XKR9: variants seen among roughly 807,000 people sequenced by gnomAD.
XKR9 encodes XK-related protein 9.
A neutral mutation model predicts 32.0 loss-of-function variants in XKR9; 32 were observed. The ratio of observed to expected loss-of-function variants is 1.00; its 90% CI spans 0.76 to 1.34. XKR9 has a LOEUF of 1.34. Ranked by LOEUF, XKR9 falls within the 40% of genes most tolerant of loss-of-function variation. XKR9 has a pLI of 0.00. For missense variants in XKR9, 546 were observed against 429.7 expected, an observed-to-expected ratio of 1.27 and a Z score of -2.39; for synonymous variants, 168 against 143.4, an observed-to-expected ratio of 1.17 and a Z score of -1.22.
Position 70,734,051 on chromosome 8 carries a change from A to G in XKR9, c.749A>G (p.Asn250Ser). The G allele has an allele frequency of 1.2e-6, 2 of 1,613,428 alleles. No homozygotes were observed. The highest frequency in any genetic ancestry group is 1.7e-6 in the Non-Finnish European group (2 of 1,179,666). Residue 250 changes from asparagine to serine, a missense_variant, in exon 5 of 5, where the codon AAC becomes AGC. By Grantham distance (46) the Asn-to-Ser change is conservative. Transcript: ENST00000408926. ...LLGIIWAFKN[N>S]TQFCTCISME... Reference sequence around the variant, plus strand: ...GGTATAATATGGGCATTTAAAAACAACACCCAGTTTTGTACTTGTATAAGT... The same window carrying G: ...GGTATAATATGGGCATTTAAAAACAGCACCCAGTTTTGTACTTGTATAAGT...
At chr8:71,024,866 G>T in the XKR9 span, among the ~76,000 whole-genome samples, 4 of 152,226 alleles carry the variant, frequency 2.6e-5, no homozygotes, top group South Asian at 8.3e-4. Flanking sequence ...TCTCTTGGTT[G>T]TTCTATTTGA....
At chr8:70,882,113 G>C in the XKR9 span, among the ~76,000 whole-genome samples, 1 of 151,974 alleles carries the variant, frequency 6.6e-6, no homozygotes, top group African/African-American at 2.4e-5. Flanking sequence ...GGGCCTGTTG[G>C]TGGTGGGGGG....
the XKR9 span, among the ~76,000 whole-genome samples, chr8:70,914,429 G>T: frequency 6.6e-6 from 1 of 152,134 alleles, no homozygotes; most frequent in Non-Finnish European, 1.5e-5. Flanking sequence ...TTTAGTTTTA[G>T]ATCTGGAAGG....
chr8:70,830,025 CTATT>C, the XKR9 span, among the ~76,000 whole-genome samples: 1 of 152,088 alleles, frequency 6.6e-6, no homozygotes, highest in Non-Finnish European at 1.5e-5. Context: ...TATGAAGCCT[CTATT>C]TATTAAGAAT....
the XKR9 span, among the ~76,000 whole-genome samples, chr8:71,055,448 G>A: frequency 6.6e-6 from 1 of 151,572 alleles, no homozygotes; most frequent in African/African-American, 2.4e-5. Context: ...CCTTGTATGT[G>A]GTTTTGGAAG....
chr8:70,798,640 G>T, the XKR9 span, among the ~76,000 whole-genome samples: 3 of 152,136 alleles, frequency 2.0e-5, no homozygotes, highest in Non-Finnish European at 4.4e-5. Context: ...CCTATGTCTG[G>T]AATGGTATTT....
the XKR9 span, among the ~76,000 whole-genome samples, chr8:70,961,937 G>T: frequency 6.6e-6 from 1 of 152,102 alleles, no homozygotes; most frequent in Non-Finnish European, 1.5e-5. Context: ...AAACAAATTG[G>T]ATTCTGCTTT....
At chr8:70,821,392 G>A in the XKR9 span, among the ~76,000 whole-genome samples, 305 of 152,328 alleles carry the variant, frequency 2.0e-3, no homozygotes, top group Non-Finnish European at 3.7e-3. Context: ...TAGGTGCACA[G>A]TGCAAGCTGT....
At chr8:70,997,329 C>A in the XKR9 span, among the ~76,000 whole-genome samples, 1 of 151,840 alleles carries the variant, frequency 6.6e-6, no homozygotes, top group African/African-American at 2.4e-5. Context: ...ACCAAAACCC[C>A]CCCGCACAAG....
At chr8:70,812,446 A>T in the XKR9 span, among the ~76,000 whole-genome samples, 4 of 152,320 alleles carry the variant, frequency 2.6e-5, no homozygotes, top group South Asian at 6.2e-4. Flanking sequence ...GGCCAGGGCA[A>T]TTAGGCAGGA....
At chr8:70,696,162 G>C (rs2132145504) in intron 3 of XKR9, among the ~76,000 whole-genome samples, 1 of 151,516 alleles carries the variant, frequency 6.6e-6, no homozygotes, top group Middle Eastern at 3.4e-3. Context: ...AGTTTCTTTT[G>C]CTGTGCAGAA....
At chr8:70,712,281 T>C (rs887548400) in intron 4 of XKR9, among the ~76,000 whole-genome samples, 4 of 152,108 alleles carry the variant, frequency 2.6e-5, no homozygotes, top group African/African-American at 9.7e-5. Context: ...TCTAAAAATA[T>C]TGGATAAAAT....
the XKR9 span, among the ~76,000 whole-genome samples, chr8:70,979,167 G>A: frequency 4.3e-4 from 65 of 152,246 alleles, no homozygotes; most frequent in East Asian, 0.012. Context: ...TAGCTTCCTT[G>A]TGATGGGTTC....
intron 2 of XKR9, among the ~76,000 whole-genome samples, chr8:70,757,263 G>A (rs60481777): frequency 0.073 from 11,025 of 151,748 alleles, 470 homozygotes; most frequent in Non-Finnish European, 0.089. Flanking sequence ...GCATTTAATG[G>A]TGTCCCATAT....
chr8:70,696,562 A>T (rs1177852276), intron 3 of XKR9, among the ~76,000 whole-genome samples: 1 of 149,374 alleles, frequency 6.7e-6, no homozygotes, highest in African/African-American at 2.5e-5. Flanking sequence ...TGGTACCAGT[A>T]CCATGCTGTT....
At chr8:70,719,916 C>A (rs942234436) in intron 4 of XKR9, among the ~76,000 whole-genome samples, 1 of 152,142 alleles carries the variant, frequency 6.6e-6, no homozygotes, top group Admixed American at 6.6e-5. Context: ...GATACTGAAT[C>A]TTCCTATCCA....
rs556649954 is a variant in XKR9, at chr8:70,735,364, A to T, written c.*940A>T. 2 of 152,008 alleles carry T rather than the reference A, an allele frequency of 1.3e-5. No individual in the cohort carries two copies. The highest frequency in any genetic ancestry group is 3.9e-4 in the East Asian group (2 of 5,188). 9.4% of individuals were successfully genotyped at this position (152,008 alleles called of 1,614,324 possible). On this transcript the variant is annotated 3_prime_UTR_variant, in exon 5 of 5. Coordinates refer to ENST00000408926, the MANE Select transcript of XKR9 (RefSeq NM_001011720.2). ...GGTTTGAATGTGCCCCCCAGATTTC[A>T]TGTGTGTGAAACTTAATCTCCAAAT... is the stretch of plus-strand genomic sequence containing the variant.
chr8:70,704,694 A>G (rs60740657), intron 3 of XKR9, among the ~76,000 whole-genome samples: 11,072 of 152,206 alleles, frequency 0.073, 492 homozygotes, highest in Non-Finnish European at 0.089. Flanking sequence ...GTATGTTTAT[A>G]CTTGTGAATT....
At chr8:70,831,501 A>G in the XKR9 span, among the ~76,000 whole-genome samples, 16 of 152,196 alleles carry the variant, frequency 1.1e-4, no homozygotes, top group South Asian at 3.1e-3. Context: ...TAACTGTATC[A>G]TGTCCTATTA....
Sources: gnomAD v4.1 joint callset for allele counts (sites outside exome capture counted in the v4.1 genomes callset) on GRCh38, gnomAD v4.1.1 for gene constraint, MANE v1.5 for transcripts, NCBI Gene and HGNC (gene_info 2026-07-23, HGNC 2026-07-21) for gene names.